Variants in GHR observed in about 807,000 individuals in gnomAD.
The protein encoded by GHR is growth hormone receptor.
A neutral mutation model predicts 67.1 loss-of-function variants in GHR; 35 were observed. That is an observed-to-expected ratio of 0.52 (90% confidence interval 0.40 to 0.69). The LOEUF (loss-of-function observed/expected upper bound fraction) is 0.69, where lower values mean the gene tolerates loss of function less well. Among genes scored for constraint, GHR ranks in the 30% least tolerant of loss-of-function variants. GHR has a pLI of 0.00. For missense variants in GHR, 792 were observed against 764.6 expected (o/e 1.04, Z -0.42); for synonymous variants, 272 against 269.1 (o/e 1.01, Z -0.10).
At chr5:42,522,846 G>A (rs1266475550) in intron 1 of GHR, among the ~76,000 whole-genome samples, 3 of 152,194 alleles carry the variant, frequency 2.0e-5, no homozygotes, top group African/African-American at 7.2e-5. Context: ...CTATGCTTCT[G>A]TTCAACAAAG....
At chr5:42,637,065 T>C (rs975445371) in intron 3 of GHR, among the ~76,000 whole-genome samples, 6 of 152,150 alleles carry the variant, frequency 3.9e-5, no homozygotes, top group Non-Finnish European at 7.4e-5. Flanking sequence ...GGTCAACAAA[T>C]ATTTAAACCA....
chr5:42,575,763 C>T (rs534962301), intron 2 of GHR, among the ~76,000 whole-genome samples: 31 of 149,842 alleles, frequency 2.1e-4, no homozygotes, highest in African/African-American at 7.6e-4. Flanking sequence ...GGGCTGGGCG[C>T]GATGGCTCAT....
chr5:42,505,122 GT>G (rs35690685), intron 1 of GHR, among the ~76,000 whole-genome samples: 2,069 of 134,872 alleles, frequency 0.015, 43 homozygotes, highest in African/African-American at 0.047. Context: ...GCTGTTGACT[GT>G]TTTTTTTTTT....
At chr5:42,529,034 C>G (rs1296555175) in intron 1 of GHR, among the ~76,000 whole-genome samples, 1 of 144,028 alleles carries the variant, frequency 6.9e-6, no homozygotes, top group Admixed American at 7.0e-5. Context: ...TTTTTTGAGA[C>G]AGAGTCTTGC....
rs2112477601 is a variant in GHR, at chr5:42,565,949, G to A, written c.70+5G>A. ...ATGCTTTTTCTGGAAGTGAGGGTGA[G>A]TTCTGCTTTTCCATTTCCACCCTCA... On this transcript the variant is annotated splice_donor_5th_base_variant and intron_variant, in intron 2 of 9. Transcript: ENST00000230882. The A allele has an allele frequency of 6.2e-7, 1 of 1,614,044 alleles. No individual in the cohort carries two copies. Among genetic ancestry groups the A allele is most frequent in the Non-Finnish European group, 8.5e-7 (1 of 1,179,916 alleles).
At chr5:42,674,157 C>A (rs1446621431) in intron 3 of GHR, among the ~76,000 whole-genome samples, 2 of 152,064 alleles carry the variant, frequency 1.3e-5, no homozygotes, top group African/African-American at 4.8e-5. Context: ...TGCCAAGGAT[C>A]CAGTAGTGTC....
At chr5:42,564,429 C>A (rs1279395607) in intron 1 of GHR, among the ~76,000 whole-genome samples, 1 of 152,006 alleles carries the variant, frequency 6.6e-6, no homozygotes, top group Non-Finnish European at 1.5e-5. Context: ...AAAGTGTGTT[C>A]ATCTGCATGT....
chr5:42,553,046 C>T (rs140000979), intron 1 of GHR, among the ~76,000 whole-genome samples: 10 of 152,294 alleles, frequency 6.6e-5, no homozygotes, highest in African/African-American at 2.4e-4. Context: ...TGATTATCTT[C>T]CTGATTAATG....
chr5:42,709,157 C>T (rs2111803034), intron 6 of GHR, among the ~76,000 whole-genome samples: 1 of 152,168 alleles, frequency 6.6e-6, no homozygotes, highest in East Asian at 1.9e-4. Flanking sequence ...CTCCCCCCCA[C>T]AGGATCTTGC....
chr5:42,552,813 A>C (rs1381729527), intron 1 of GHR, among the ~76,000 whole-genome samples: 1 of 152,200 alleles, frequency 6.6e-6, no homozygotes, highest in African/African-American at 2.4e-5. Flanking sequence ...GAGGGAGAGC[A>C]TCATCAAGCT....
chr5:42,719,228 C>A lies in GHR; in HGVS notation c.1721C>A (p.Thr574Asn). The A allele has an allele frequency of 6.2e-7, 1 of 1,614,054 alleles. No individual in the cohort carries two copies. The highest frequency in any genetic ancestry group is 8.5e-7 in the Non-Finnish European group (1 of 1,179,940). Residue 574 changes from threonine to asparagine, a missense_variant, in exon 10 of 10, where the codon ACT (threonine) becomes AAT (asparagine). Physicochemically the swap from Thr to Asn is moderately conservative, Grantham distance 65 (BLOSUM62 0). Transcript: ENST00000230882. ...TACATCACCACAGAAAGCCTTACCA[C>A]TGCTGCTGGGAGGCCTGGGACAGGA... ...DIYITTESLT[T>N]AAGRPGTGEH...
intron 2 of GHR, among the ~76,000 whole-genome samples, chr5:42,579,258 C>T (rs992380681): frequency 6.6e-6 from 1 of 152,084 alleles, no homozygotes; most frequent in Non-Finnish European, 1.5e-5. Context: ...AAGAGATTGA[C>T]AAAGAGATTC....
intron 3 of GHR, among the ~76,000 whole-genome samples, chr5:42,659,840 G>C (rs1017437096): frequency 2.6e-5 from 4 of 152,126 alleles, no homozygotes; most frequent in Admixed American, 2.6e-4. Flanking sequence ...GGGACAGGGA[G>C]TTCCCTTTCC....
intron 1 of GHR, among the ~76,000 whole-genome samples, chr5:42,518,279 T>C (rs1747329614): frequency 6.6e-6 from 1 of 152,070 alleles, no homozygotes; most frequent in East Asian, 1.9e-4. Context: ...TCATAACTTC[T>C]TATTAAAAGA....
intron 2 of GHR, among the ~76,000 whole-genome samples, chr5:42,602,675 C>A (rs1427943501): frequency 6.6e-6 from 1 of 151,446 alleles, no homozygotes; most frequent in African/African-American, 2.4e-5. Context: ...TATATTTTTT[C>A]TTTGTTGTCA....
At chr5:42,635,174 A>C (rs1035397499) in intron 3 of GHR, among the ~76,000 whole-genome samples, 1 of 152,188 alleles carries the variant, frequency 6.6e-6, no homozygotes, top group Non-Finnish European at 1.5e-5. Context: ...TTAAGGAAAC[A>C]GTGTTTATGT....
At chr5:42,468,169 C>G in intron 1 of GHR, 1 of 1,356,462 alleles carries the variant, frequency 7.4e-7, no homozygotes. Context: ...GCCTGTCTGA[C>G]GAAACTCCCC....
chr5:42,467,218 T>C, intron 1 of GHR: 1 of 1,504,414 alleles, frequency 6.6e-7, no homozygotes. Context: ...ACTGCAGTCA[T>C]AAGGTTTCTC....
chr5:42,686,350 T>C (rs1757140479), intron 3 of GHR, among the ~76,000 whole-genome samples: 1 of 45,852 alleles, frequency 2.2e-5, no homozygotes, highest in Non-Finnish European at 4.9e-5. Flanking sequence ...TGTAGCCTTG[T>C]AGTATGAAGT....
Sources: allele counts gnomAD v4.1 joint callset (sites outside exome capture counted in the v4.1 genomes callset), GRCh38; gene constraint gnomAD v4.1.1; transcripts MANE v1.5; gene names NCBI Gene and HGNC (gene_info 2026-07-23, HGNC 2026-07-21).